Variants in ZNF267 observed in about 807,000 individuals in gnomAD.
ZNF267 encodes the protein zinc finger (C2H2).
A neutral mutation model predicts 71.6 loss-of-function variants in ZNF267; 61 were observed. The ratio of observed to expected loss-of-function variants is 0.85; its 90% CI spans 0.69 to 1.05. The LOEUF is 1.05. Ranked by LOEUF, ZNF267 falls within the 50% of genes least tolerant of loss-of-function variation. The pLI is 0.00. For synonymous variants in ZNF267, 288 were observed against 293.2 expected (o/e 0.98, Z 0.18); for missense variants, 852 against 870.0 (o/e 0.98, Z 0.26).
At chr16:31,877,286 A>T (rs1248164814) in intron 1 of ZNF267, among the ~76,000 whole-genome samples, 1 of 152,136 alleles carries the variant, frequency 6.6e-6, no homozygotes, top group Non-Finnish European at 1.5e-5. Context: ...GTCAAATAAA[A>T]CAAATTCAGG....
intron 3 of ZNF267, chr16:31,912,033 T>C (rs1373209043): frequency 6.6e-6 from 1 of 151,654 alleles, no homozygotes; most frequent in Admixed American, 6.6e-5. Context: ...TCTTGAAACA[T>C]TGTTGTAGTT....
chr16:31,891,843 G>T (rs1033011690), intron 3 of ZNF267, among the ~76,000 whole-genome samples: 2 of 152,184 alleles, frequency 1.3e-5, no homozygotes, highest in Non-Finnish European at 2.9e-5. Context: ...GGTACCAGTA[G>T]AGTGAGGTGC....
intron 3 of ZNF267, among the ~76,000 whole-genome samples, chr16:31,886,327 C>CT (rs1451993714): frequency 1.3e-5 from 2 of 152,180 alleles, no homozygotes; most frequent in African/African-American, 4.8e-5. Flanking sequence ...TAGTACTGGT[C>CT]TGTGGCCTGT....
At chr16:31,911,261 A>G (rs376128833) in intron 3 of ZNF267, among the ~76,000 whole-genome samples, 2 of 151,702 alleles carry the variant, frequency 1.3e-5, no homozygotes, top group East Asian at 1.9e-4. Context: ...GATCTGTACA[A>G]TGCTGAAAGT....
At chr16:31,912,554 G>A (rs938524187) in intron 3 of ZNF267, 1 of 151,512 alleles carries the variant, frequency 6.6e-6, no homozygotes, top group East Asian at 1.9e-4. Flanking sequence ...TCTGTAACCT[G>A]GTTGTACTTG....
At chr16:31,909,142 T>G (rs2084115910) in intron 3 of ZNF267, among the ~76,000 whole-genome samples, 1 of 140,334 alleles carries the variant, frequency 7.1e-6, no homozygotes, top group Admixed American at 7.3e-5. Flanking sequence ...TTTTTTTTTT[T>G]TTTTGACGTA....
At chr16:31,882,383 T>G (rs183017127) in intron 1 of ZNF267, among the ~76,000 whole-genome samples, 20 of 152,312 alleles carry the variant, frequency 1.3e-4, no homozygotes, top group Admixed American at 1.3e-4. Flanking sequence ...ATTAGAGTAT[T>G]GGGCGTAAGG....
At chr16:31,879,445 A>T (rs918289947) in intron 1 of ZNF267, among the ~76,000 whole-genome samples, 3 of 152,158 alleles carry the variant, frequency 2.0e-5, no homozygotes, top group Admixed American at 6.5e-5. Context: ...ACCACTATGG[A>T]TAGTTTTTCT....
chr16:31,881,350 C>T (rs2142331611), intron 1 of ZNF267, among the ~76,000 whole-genome samples: 1 of 152,152 alleles, frequency 6.6e-6, no homozygotes, highest in African/African-American at 2.4e-5. Context: ...GAGCCTGGTC[C>T]AGGTCTGTCC....
In ZNF267 at chr16:31,902,112, G is replaced by A. The variant is rs549236089; in HGVS notation, c.227-12364G>A. ...AAAGATCGGATGGTTGTAGATATGC[G>A]GCATTATTTCTGAGGGCTCTGTTCT... On this transcript the variant is annotated intron_variant, in intron 3 of 3. Transcript: ENST00000300870. Among the ~76,000 whole-genome samples, 19 of 152,184 alleles carry A rather than the reference G, an allele frequency of 1.2e-4. No homozygotes were observed. In the East Asian group the frequency reaches 2.5e-3, roughly 20 times the overall value.
At chr16:31,914,046 G>C (rs932363050) in intron 3 of ZNF267, 1 of 158,236 alleles carries the variant, frequency 6.3e-6, no homozygotes, top group Non-Finnish European at 1.4e-5. Flanking sequence ...ACATCTCGGA[G>C]TCCAATGTTC....
At chr16:31,902,192 T>C (rs1233780608) in intron 3 of ZNF267, among the ~76,000 whole-genome samples, 9 of 152,242 alleles carry the variant, frequency 5.9e-5, no homozygotes, top group Non-Finnish European at 1.0e-4. Context: ...TTTTGGTTAC[T>C]GTAGCCTTGT....
intron 3 of ZNF267, among the ~76,000 whole-genome samples, chr16:31,888,496 T>C (rs1453133147): frequency 6.6e-6 from 1 of 152,138 alleles, no homozygotes; most frequent in East Asian, 1.9e-4. Context: ...TTGAGATGGA[T>C]ACTTTTGTAT....
Position 31,883,132 on chromosome 16 carries a change from AC to A in ZNF267, c.4-1365del, listed in dbSNP as rs1198842597. ...TATTCTCTATATTTTCAGAGAAAGA[AC>A]AAGAATTAACATATAACAAATATGT... is the stretch of plus-strand genomic sequence containing the variant. On this transcript the variant is annotated intron_variant, in intron 1 of 3. Coordinates refer to ENST00000300870, the MANE Select transcript of ZNF267 (RefSeq NM_003414.6). 8.5e-5 allele frequency among the ~76,000 whole-genome samples: 13 copies of A among 152,354 alleles called. No individual in the cohort carries two copies. The East Asian group carries it at 2.5e-3, about 29-fold the overall frequency.
intron 3 of ZNF267, among the ~76,000 whole-genome samples, chr16:31,887,541 G>T (rs1039740271): frequency 5.3e-5 from 8 of 152,102 alleles, no homozygotes; most frequent in Non-Finnish European, 1.0e-4. Flanking sequence ...TTGCATTTAA[G>T]TGTTAATTCT....
chr16:31,883,870 C>T, intron 1 of ZNF267, among the ~76,000 whole-genome samples: 1 of 152,174 alleles, frequency 6.6e-6, no homozygotes. Context: ...TACTGGTGAA[C>T]TTGTTAGACA....
intron 3 of ZNF267, among the ~76,000 whole-genome samples, chr16:31,896,656 A>G (rs1158475644): frequency 6.6e-6 from 1 of 152,166 alleles, no homozygotes. Context: ...GTGCCAGTAC[A>G]ATACTGTTTA....
At chr16:31,877,160 G>T (rs1187220235) in intron 1 of ZNF267, among the ~76,000 whole-genome samples, 1 of 151,350 alleles carries the variant, frequency 6.6e-6, no homozygotes, top group Non-Finnish European at 1.5e-5. Flanking sequence ...TTTTCCCCCT[G>T]TGTTTTCCTA....
intron 1 of ZNF267, chr16:31,874,261 T>G: frequency 2.5e-6 from 1 of 401,272 alleles, no homozygotes. Flanking sequence ...CCCCAGATTG[T>G]GCGGTGAGGA....
Sources: allele counts gnomAD v4.1 joint callset (sites outside exome capture counted in the v4.1 genomes callset), GRCh38; gene constraint gnomAD v4.1.1; transcripts MANE v1.5; gene names NCBI Gene and HGNC (gene_info 2026-07-23, HGNC 2026-07-21).